The following KDM6A variants were observed in gnomAD, a reference collection of about 807,000 sequenced individuals.
KDM6A encodes the protein lysine demethylase 6A.
KDM6A carries 11 observed loss-of-function variants against 117.6 expected under a neutral mutation model. The ratio of observed to expected loss-of-function variants is 0.09; its 90% confidence interval spans 0.06 to 0.15. The LOEUF (loss-of-function observed/expected upper bound fraction) is 0.15. KDM6A is among the 10% of genes least tolerant of loss of function. The probability of loss-of-function intolerance (pLI) is 1.00; values close to 1 mark genes in which losing one functional copy is unlikely to be tolerated. For synonymous variants in KDM6A, 384 were observed against 396.1 expected (o/e 0.97, Z 0.36); for missense variants, 799 against 1,077.3 (o/e 0.74, Z 3.62).
At chrX:44,963,863 G>T (rs1428319485) in intron 3 of KDM6A, among the ~76,000 whole-genome samples, 2 of 109,967 alleles carry the variant, frequency 1.8e-5, no homozygotes, top group Non-Finnish European at 3.8e-5. Flanking sequence ...GGGATTACAG[G>T]CATGCGACAC....
At chrX:45,082,915 A>G in intron 23 of KDM6A, 126 bp downstream of exon 23, 1 of 506,671 alleles carries the variant, frequency 2.0e-6, no homozygotes, top group Non-Finnish European at 3.3e-6. Flanking sequence ...ACATGAATTT[A>G]AGCTAAACTT....
At chrX:44,936,543 A>G (rs922008704) in intron 2 of KDM6A, among the ~76,000 whole-genome samples, 3 of 111,626 alleles carry the variant, frequency 2.7e-5, no homozygotes, top group Non-Finnish European at 5.6e-5. Context: ...CTCTAGATTT[A>G]TTTCATTAAT....
chrX:45,076,082 C>G (rs1430057273), intron 18 of KDM6A, among the ~76,000 whole-genome samples: 1 of 111,263 alleles, frequency 9.0e-6, no homozygotes, highest in Non-Finnish European at 1.9e-5. Context: ...ATACCTTCAT[C>G]AACCTAAATA....
Position 45,068,828 on chromosome X carries a change from C to CT in KDM6A, c.2080-751_2080-750insT, listed in dbSNP as rs1569535219. ...TCTCTTTCTCTTTCTCTTTCTCTTT[C>CT]CCTTTCCCTTTCCCTTTCCCTTTCC... On this transcript the variant is annotated intron_variant, in intron 17 of 29. Transcript: ENST00000611820. Among the ~76,000 whole-genome samples, 405 of 98,911 alleles carry CT rather than the reference C, an allele frequency of 4.1e-3. 3 individuals are homozygous for CT. The highest frequency in any genetic ancestry group is 0.015 in the African/African-American group (338 of 21,988). 85.9% of individuals were successfully genotyped at this position (98,911 alleles called of 115,157 possible).
chrX:45,037,343 A>AT (rs2042861730), intron 7 of KDM6A, among the ~76,000 whole-genome samples: 1 of 111,837 alleles, frequency 8.9e-6, no homozygotes, highest in Non-Finnish European at 1.9e-5. Flanking sequence ...TAATGTTGCC[A>AT]TTTTGAACTT....
In KDM6A at chrX:44,991,505, G is replaced by T. The variant is rs776342260; in HGVS notation, c.384+16790G>T. Reference sequence around the variant, plus strand: ...TTCCCTCCACTCTCATCCCTTTTGTGTTTTTGTTTTGGTCTCTGGCTTAAA... The same window carrying T: ...TTCCCTCCACTCTCATCCCTTTTGTTTTTTTGTTTTGGTCTCTGGCTTAAA... On this transcript the variant is annotated intron_variant, in intron 4 of 29. Transcript: ENST00000611820. Among the ~76,000 whole-genome samples, 8 of 111,068 alleles carry T rather than the reference G, an allele frequency of 7.2e-5. 1 individual carries two copies. The South Asian group carries it at 3.0e-3, about 42-fold the overall frequency.
intron 2 of KDM6A, among the ~76,000 whole-genome samples, chrX:44,921,513 C>T (rs1237816676): frequency 9.0e-6 from 1 of 111,351 alleles, no homozygotes. Flanking sequence ...CACACCAATC[C>T]CCACAATCAT....
intron 2 of KDM6A, among the ~76,000 whole-genome samples, chrX:44,941,113 ATAT>A (rs976415799): frequency 5.4e-5 from 6 of 111,998 alleles, no homozygotes; most frequent in African/African-American, 2.0e-4. Flanking sequence ...TTTATTGAGG[ATAT>A]TATTAAATGA....
intron 8 of KDM6A, among the ~76,000 whole-genome samples, chrX:45,040,527 C>T (rs1340790087): frequency 1.5e-5 from 1 of 65,571 alleles, no homozygotes; most frequent in Non-Finnish European, 3.0e-5. Flanking sequence ...CCGGACGGGG[C>T]GGCTGGCCGG....
intron 5 of KDM6A, among the ~76,000 whole-genome samples, chrX:45,013,136 G>T (rs143772639): frequency 3.0e-3 from 335 of 110,674 alleles, no homozygotes; most frequent in Non-Finnish European, 3.7e-3. Flanking sequence ...AAAGCAAGGG[G>T]GTGTGTGTGT....
At chrX:44,987,969 T>G (rs5952283) in intron 4 of KDM6A, among the ~76,000 whole-genome samples, 24,453 of 110,651 alleles carry the variant, frequency 0.22, 4,571 homozygotes, top group African/African-American at 0.62. Context: ...TGCTAGATTG[T>G]GGAAATTCTC....
intron 2 of KDM6A, among the ~76,000 whole-genome samples, chrX:44,914,093 T>TATA (rs1432103502): frequency 8.9e-6 from 1 of 112,004 alleles, no homozygotes; most frequent in Non-Finnish European, 1.9e-5. Flanking sequence ...ACAGCTTATT[T>TATA]AGTAGCACCC....
At chrX:45,028,968 T>C (rs1027370755) in intron 6 of KDM6A, among the ~76,000 whole-genome samples, 1 of 112,279 alleles carries the variant, frequency 8.9e-6, no homozygotes, top group African/African-American at 3.2e-5. Flanking sequence ...ACTGAGGAGT[T>C]AGGGTGATTC....
At chrX:45,010,888 AT>A in intron 4 of KDM6A, 72 bp from the exon 5 acceptor site, 3 of 791,963 alleles carry the variant, frequency 3.8e-6, no homozygotes, top group Non-Finnish European at 5.7e-6. Flanking sequence ...TGGATACCGT[AT>A]TTTACAATAA....
chrX:44,946,175 C>G (rs899706354), intron 2 of KDM6A, among the ~76,000 whole-genome samples: 2 of 112,265 alleles, frequency 1.8e-5, no homozygotes, highest in African/African-American at 6.5e-5. Flanking sequence ...TGGCTCACTG[C>G]AACCTCTGCC....
intron 6 of KDM6A, among the ~76,000 whole-genome samples, chrX:45,026,565 C>T (rs1453833814): frequency 2.7e-5 from 3 of 109,787 alleles, no homozygotes; most frequent in African/African-American, 1.0e-4. Context: ...CAGTGGCTCA[C>T]GCCTGTAATC....
intron 6 of KDM6A, 107 bp from the exon 7 acceptor site, chrX:45,034,824 G>A: frequency 1.6e-6 from 1 of 608,668 alleles, no homozygotes; most frequent in Non-Finnish European, 2.8e-6. Flanking sequence ...TATTTGCATA[G>A]CATGTATTTA....
intron 9 of KDM6A, 133 bp downstream of exon 9, chrX:45,051,935 A>G (rs1207132311): frequency 2.0e-5 from 9 of 441,153 alleles, no homozygotes; most frequent in Non-Finnish European, 3.2e-5. Flanking sequence ...TGAACCCAGC[A>G]TATTTGTATC....
intron 19 of KDM6A, among the ~76,000 whole-genome samples, chrX:45,077,252 A>G (rs2045171409): frequency 9.0e-6 from 1 of 110,813 alleles, no homozygotes; most frequent in Non-Finnish European, 1.9e-5. Context: ...GATAGTAGAT[A>G]TATGTGACTA....
Sources: gnomAD v4.1 joint callset for allele counts (sites outside exome capture counted in the v4.1 genomes callset) on GRCh38, gnomAD v4.1.1 for gene constraint, MANE v1.5 for transcripts, NCBI Gene and HGNC (gene_info 2026-07-23, HGNC 2026-07-21) for gene names.